Variants in CHRM2 observed in about 807,000 individuals in gnomAD.
CHRM2 encodes cholinergic receptor muscarinic 2, also known as muscarinic acetylcholine receptor M2.
In CHRM2, 8 loss-of-function variants were observed where a neutral mutation model predicts 25.0. The observed-to-expected ratio is 0.32, with a 90% CI of 0.19 to 0.58. CHRM2 has a LOEUF of 0.58. Ranked by LOEUF, CHRM2 falls within the 20% of genes least tolerant of loss-of-function variation. The probability of loss-of-function intolerance (pLI) is 0.88; values close to 1 mark genes in which losing one functional copy is unlikely to be tolerated. For synonymous variants in CHRM2, 202 were observed against 205.7 expected, an observed-to-expected ratio of 0.98 and a Z score of 0.15; for missense variants, 440 against 567.1, an observed-to-expected ratio of 0.78 and a Z score of 2.28.
chr7:136,960,502 G>C (rs751947528), intron 2 of CHRM2, among the ~76,000 whole-genome samples: 1 of 152,190 alleles, frequency 6.6e-6, no homozygotes, highest in Non-Finnish European at 1.5e-5. Context: ...GAGTCAAATA[G>C]ATCACGATAC....
chr7:136,883,908 T>G (rs1285702602), intron 2 of CHRM2, among the ~76,000 whole-genome samples: 1 of 152,158 alleles, frequency 6.6e-6, no homozygotes, highest in South Asian at 2.1e-4. Flanking sequence ...CCTGGTTCAA[T>G]GAGTTACTCT....
At chr7:136,876,250 CTT>C (rs1796048013) in intron 2 of CHRM2, among the ~76,000 whole-genome samples, 2 of 152,130 alleles carry the variant, frequency 1.3e-5, no homozygotes, top group South Asian at 4.1e-4. Flanking sequence ...AAGGAGTTAA[CTT>C]ATAAAAATGC....
intron 2 of CHRM2, among the ~76,000 whole-genome samples, chr7:136,908,143 C>T (rs775932830): frequency 5.3e-5 from 8 of 151,826 alleles, no homozygotes; most frequent in Non-Finnish European, 1.0e-4. Context: ...AATTCTAAGC[C>T]CTTTCTAGTT....
intron 2 of CHRM2, among the ~76,000 whole-genome samples, chr7:136,916,567 C>T (rs944744963): frequency 6.6e-6 from 1 of 151,406 alleles, no homozygotes; most frequent in Non-Finnish European, 1.5e-5. Flanking sequence ...CCACATTCCG[C>T]TTCAAAGTTT....
At chr7:136,938,501 T>G (rs1010945687) in intron 2 of CHRM2, 5 of 1,029,160 alleles carry the variant, frequency 4.9e-6, no homozygotes, top group Non-Finnish European at 7.7e-6. Context: ...ACCTCTAGGA[T>G]AAGGGGGCTC....
chr7:136,878,874 C>G (rs187118116), intron 2 of CHRM2, among the ~76,000 whole-genome samples: 11 of 151,878 alleles, frequency 7.2e-5, no homozygotes, highest in African/African-American at 2.2e-4. Context: ...GCAGTTCTTT[C>G]AGAGGATGTC....
intron 2 of CHRM2, among the ~76,000 whole-genome samples, chr7:136,878,277 A>G (rs570776751): frequency 6.6e-6 from 1 of 152,054 alleles, no homozygotes. Context: ...TTTATCCTCA[A>G]AATTACTTTT....
chr7:137,013,781 T>G (rs150129737), intron 3 of CHRM2, among the ~76,000 whole-genome samples: 1 of 152,128 alleles, frequency 6.6e-6, no homozygotes, highest in African/African-American at 2.4e-5. Flanking sequence ...AACCCATGTC[T>G]GCCACCAGGC....
intron 2 of CHRM2, among the ~76,000 whole-genome samples, chr7:136,936,440 AT>A (rs1387815707): frequency 1.3e-5 from 2 of 152,186 alleles, no homozygotes; most frequent in African/African-American, 4.8e-5. Context: ...GGTAGAATAG[AT>A]GACTAATAGA....
rs534267491 is a variant in CHRM2, at chr7:136,932,533, C to A, written c.-124-59654C>A. On this transcript the variant is annotated intron_variant, in intron 2 of 3. Coordinates refer to ENST00000680005, the MANE Select transcript of CHRM2 (RefSeq NM_001006630.2). The stretch of plus-strand genomic sequence containing the variant: ...CATAATTCACTGGGGAAAGATTAAT[C>A]TTCTCAACAATTGTGCCACAACAGC... 5.3e-5 allele frequency among the ~76,000 whole-genome samples: 8 copies of A among 152,250 alleles called. No homozygotes were observed. The South Asian group carries it at 1.7e-3, about 32-fold the overall frequency.
intron 2 of CHRM2, among the ~76,000 whole-genome samples, chr7:136,886,751 A>G (rs1045261171): frequency 9.2e-5 from 14 of 152,108 alleles, no homozygotes; most frequent in African/African-American, 3.1e-4. Context: ...GCACACTTGT[A>G]GTCCTAGCTA....
At chr7:136,896,502 C>A (rs1390282688) in intron 2 of CHRM2, among the ~76,000 whole-genome samples, 2 of 152,082 alleles carry the variant, frequency 1.3e-5, no homozygotes, top group Non-Finnish European at 2.9e-5. Flanking sequence ...ATTGTAAGCC[C>A]ATTCAACCCA....
intron 2 of CHRM2, among the ~76,000 whole-genome samples, chr7:136,932,167 A>T (rs1799144499): frequency 1.3e-5 from 2 of 152,246 alleles, no homozygotes; most frequent in African/African-American, 4.8e-5. Flanking sequence ...ATAAGGGAAT[A>T]CAGCGCACAA....
intron 2 of CHRM2, among the ~76,000 whole-genome samples, chr7:136,972,663 G>A (rs987036779): frequency 6.6e-6 from 1 of 152,224 alleles, no homozygotes; most frequent in East Asian, 1.9e-4. Flanking sequence ...GTTGATGAAG[G>A]TGGTAGTGGT....
chr7:136,932,151 A>AGGACTATAAG (rs1396300600), intron 2 of CHRM2, among the ~76,000 whole-genome samples: 1 of 152,248 alleles, frequency 6.6e-6, no homozygotes, highest in Non-Finnish European at 1.5e-5. Context: ...AGAAATAAAA[A>AGGACTATAAG]GGACTATAAG....
intron 2 of CHRM2, among the ~76,000 whole-genome samples, chr7:136,910,257 A>G (rs953067522): frequency 2.6e-5 from 4 of 151,944 alleles, no homozygotes; most frequent in Non-Finnish European, 2.9e-5. Context: ...CTCGGCTGAT[A>G]TTAATTACCT....
At chr7:136,969,970 G>A (rs946090168) in intron 2 of CHRM2, among the ~76,000 whole-genome samples, 1 of 152,096 alleles carries the variant, frequency 6.6e-6, no homozygotes, top group Non-Finnish European at 1.5e-5. Context: ...GTGAGGGCTC[G>A]TCCTGGCTTG....
rs1456104020 is a variant in CHRM2 at position 136,869,514 on chromosome 7, CA to C, written c.-125+97del. The C allele has an allele frequency of 1.3e-5, 2 of 152,448 alleles. No homozygotes were observed. The highest frequency in any genetic ancestry group is 2.9e-5 in the Non-Finnish European group (2 of 68,248). 9.4% of individuals were successfully genotyped at this position (152,448 alleles called of 1,614,324 possible). A position where few individuals can be genotyped will look rare whatever the true frequency, so the allele number is the denominator to read the frequency against. The stretch of plus-strand genomic sequence containing the variant: ...TTCATATCCCCCCAAGCCGGAGGCT[CA>C]GGGGTCGGGGCTTGGGGGAATTGGA... On this transcript the variant is annotated intron_variant, in intron 2 of 3. Coordinates refer to ENST00000680005, the MANE Select transcript of CHRM2 (RefSeq NM_001006630.2). This position sits in a 1 kb window ranked among gnomAD's most constrained non-coding sequence, Gnocchi z 4.9.
intron 2 of CHRM2, among the ~76,000 whole-genome samples, chr7:136,959,702 G>A (rs1465291150): frequency 3.3e-5 from 5 of 152,076 alleles, no homozygotes; most frequent in African/African-American, 1.2e-4. Flanking sequence ...ACCTGAGGTC[G>A]GGAGTTCGAG....
Sources: allele counts gnomAD v4.1 joint callset (sites outside exome capture counted in the v4.1 genomes callset), GRCh38; gene constraint gnomAD v4.1.1; non-coding constraint Gnocchi (gnomAD v3.1); transcripts MANE v1.5; gene names NCBI Gene and HGNC (gene_info 2026-07-23, HGNC 2026-07-21).